The following WNT5B variants were observed in gnomAD, a reference collection of about 807,000 sequenced individuals.
WNT5B encodes the protein Wnt family member 5B.
In WNT5B, 18 loss-of-function variants were observed where a neutral mutation model predicts 36.5. The observed-to-expected ratio is 0.49, with a 90% CI of 0.34 to 0.73. The LOEUF is 0.73. Among genes scored for constraint, WNT5B ranks in the 30% least tolerant of loss-of-function variants. WNT5B has a pLI of 0.01. For synonymous variants in WNT5B, 213 were observed against 212.3 expected, an observed-to-expected ratio of 1.00 and a Z score of -0.03; for missense variants, 424 against 508.4, an observed-to-expected ratio of 0.83 and a Z score of 1.60.
intron 1 of WNT5B, among the ~76,000 whole-genome samples, chr12:1,617,630 C>CA (rs1019266284): frequency 2.0e-4 from 30 of 150,052 alleles, no homozygotes; most frequent in African/African-American, 3.7e-4. Flanking sequence ...GACCCTATCT[C>CA]AAAAAAAAGA....
At chr12:1,623,431 G>A (rs930624458) in intron 1 of WNT5B, among the ~76,000 whole-genome samples, 3 of 151,734 alleles carry the variant, frequency 2.0e-5, no homozygotes, top group East Asian at 1.9e-4. Flanking sequence ...TCCTGACCTC[G>A]TGATCCGCCC....
intron 3 of WNT5B, among the ~76,000 whole-genome samples, chr12:1,639,322 T>A (rs531728102): frequency 3.3e-5 from 5 of 152,086 alleles, no homozygotes; most frequent in Admixed American, 6.5e-5. Flanking sequence ...TATTTTTAGT[T>A]GAGACGAAGG....
Position 1,630,154 on chromosome 12 carries a change from C to G in WNT5B, c.-58+783C>G, listed in dbSNP as rs1379474188. 1 of 985,394 alleles carries G rather than the reference C, an allele frequency of 1.0e-6. No individual in the cohort carries two copies. Among genetic ancestry groups the G allele is most frequent in the Non-Finnish European group, 1.2e-6 (1 of 830,012 alleles). 61.0% of individuals were successfully genotyped at this position (985,394 alleles called of 1,614,324 possible). A position where few individuals can be genotyped will look rare whatever the true frequency, so the allele number is the denominator to read the frequency against. The stretch of plus-strand genomic sequence containing the variant: ...TGACCCGAAGCACCCGCCGCCCCCT[C>G]CCGGGGAGCCTGGGGACGCCGACGC... On this transcript the variant is annotated intron_variant, in intron 1 of 4. Transcript: ENST00000397196. This position sits in a 1 kb window ranked among gnomAD's most constrained non-coding sequence, Gnocchi z 5.3.
intron 1 of WNT5B, among the ~76,000 whole-genome samples, chr12:1,621,331 T>A (rs1366114529): frequency 6.6e-6 from 1 of 152,090 alleles, no homozygotes; most frequent in Non-Finnish European, 1.5e-5. Context: ...AGGTGTGTAA[T>A]CAATCAGCAT....
chr12:1,639,672 C>G lies in WNT5B; in HGVS notation c.329-12C>G, dbSNP rs748709041. On this transcript the variant is annotated splice_polypyrimidine_tract_variant and intron_variant, in intron 3 of 4. Coordinates refer to ENST00000397196, the MANE Select transcript of WNT5B (RefSeq NM_032642.3). ...GAGCGCACCCGCTTACCGCCCTGGC[C>G]TCATTCTGCAGGCAGCCGAGAGACC... is the stretch of plus-strand genomic sequence containing the variant. 1.2e-5 allele frequency: 19 copies of G among 1,531,168 alleles called. No homozygotes were observed. Among genetic ancestry groups the G allele is most frequent in the Non-Finnish European group, 1.7e-5 (19 of 1,148,940 alleles). 94.8% of individuals were successfully genotyped at this position (1,531,168 alleles called of 1,614,324 possible). A position where few individuals can be genotyped will look rare whatever the true frequency, so the allele number is the denominator to read the frequency against.
chr12:1,625,891 G>A (rs1317796325), upstream of WNT5B, among the ~76,000 whole-genome samples: 2 of 151,778 alleles, frequency 1.3e-5, no homozygotes, highest in African/African-American at 4.8e-5. Flanking sequence ...TCAAACTCCT[G>A]ACCTCAAGTG....
chr12:1,622,639 C>T (rs1015098922), intron 1 of WNT5B, among the ~76,000 whole-genome samples: 2 of 152,228 alleles, frequency 1.3e-5, no homozygotes, highest in African/African-American at 4.8e-5. Flanking sequence ...CCTGCTTCCT[C>T]TTTCCCTGAG....
chr12:1,631,809 A>T (rs1004273117), intron 2 of WNT5B, among the ~76,000 whole-genome samples: 1 of 152,028 alleles, frequency 6.6e-6, no homozygotes, highest in African/African-American at 2.4e-5. Flanking sequence ...TTCCTCTTTT[A>T]TAAGTCTGAA....
At chr12:1,620,704 AATT>A (rs371695179) in intron 1 of WNT5B, among the ~76,000 whole-genome samples, 13,944 of 120,146 alleles carry the variant, frequency 0.12, 848 homozygotes, top group African/African-American at 0.21. Context: ...ACACCCAGCA[AATT>A]TTTTTTTTTT....
chr12:1,631,216 A>G, intron 1 of WNT5B, 82 bp from the exon 2 acceptor site: 1 of 1,354,626 alleles, frequency 7.4e-7, no homozygotes, highest in Non-Finnish European at 1.0e-6. Flanking sequence ...CATCAGTGCA[A>G]CTTTCTCCGC....
chr12:1,639,619 G>A lies in WNT5B; in HGVS notation c.329-65G>A, dbSNP rs966064680. 3.5e-6 allele frequency: 5 copies of A among 1,427,336 alleles called. No homozygotes were observed. In the African/African-American group the frequency reaches 6.0e-5, roughly 17 times the overall value. 88.4% of individuals were successfully genotyped at this position (1,427,336 alleles called of 1,614,324 possible). ...GCGTGCGGGTCCGTCGGGGGAGACGGGGGGAAGGACAGGTCCCCGGGAGAG... is the reference window on the plus strand; with the variant it reads ...GCGTGCGGGTCCGTCGGGGGAGACGAGGGGAAGGACAGGTCCCCGGGAGAG... On this transcript the variant is annotated intron_variant, in intron 3 of 4. Coordinates refer to ENST00000397196, the MANE Select transcript of WNT5B (RefSeq NM_032642.3).
At chr12:1,623,287 C>A (rs529701408) in intron 1 of WNT5B, among the ~76,000 whole-genome samples, 2 of 141,404 alleles carry the variant, frequency 1.4e-5, no homozygotes, top group Admixed American at 1.4e-4. Flanking sequence ...GCTCCGTCTC[C>A]CAGGTTCACA....
At chr12:1,634,228 TTTA>T (rs1375505282) in intron 3 of WNT5B, among the ~76,000 whole-genome samples, 1 of 152,152 alleles carries the variant, frequency 6.6e-6, no homozygotes, top group Non-Finnish European at 1.5e-5. Context: ...TTACTCATAG[TTTA>T]TTGATTCTTC....
chr12:1,640,761 GCCT>G (rs2094573541), intron 4 of WNT5B, among the ~76,000 whole-genome samples: 1 of 152,232 alleles, frequency 6.6e-6, no homozygotes, highest in African/African-American at 2.4e-5. Context: ...CACACATCCA[GCCT>G]CCTCTTTTCT....
At chr12:1,617,101 C>G (rs1288812486) in exon 1 of WNT5B, 1 of 152,176 alleles carries the variant, frequency 6.6e-6, no homozygotes, top group African/African-American at 2.4e-5. Flanking sequence ...AGAAGGTTGA[C>G]AGCTTCAGTA....
Position 1,630,225 on chromosome 12 carries a change from A to G in WNT5B, c.-58+854A>G. The G allele has an allele frequency of 2.0e-6, 2 of 985,278 alleles. No individual in the cohort carries two copies. The highest frequency in any genetic ancestry group is 2.4e-6 in the Non-Finnish European group (2 of 829,882). 61.0% of individuals were successfully genotyped at this position (985,278 alleles called of 1,614,324 possible). On this transcript the variant is annotated intron_variant, in intron 1 of 4. Transcript: ENST00000397196. The surrounding 1 kb of genome is among the most constrained non-coding windows in gnomAD (Gnocchi z 5.3). ...CGGGGCGCGCGGGGCTGCGCTCGTC[A>G]GGTCCGGGGCCCCGGGGAGGCCGCT... is the stretch of plus-strand genomic sequence containing the variant.
At chr12:1,629,700 T>C (rs1019056215) in intron 1 of WNT5B, among the ~76,000 whole-genome samples, 1 of 151,918 alleles carries the variant, frequency 6.6e-6, no homozygotes, top group African/African-American at 2.4e-5. Context: ...CTCCCCTCCA[T>C]AAAACCATTA....
intron 4 of WNT5B, among the ~76,000 whole-genome samples, chr12:1,640,829 G>A (rs564300821): frequency 7.9e-5 from 12 of 152,322 alleles, no homozygotes; most frequent in South Asian, 6.2e-4. Flanking sequence ...GGCCTGCCCC[G>A]CAGGAATCTC....
At chr12:1,631,567 G>C in intron 2 of WNT5B, 133 bp downstream of exon 2, 1 of 1,392,932 alleles carries the variant, frequency 7.2e-7, no homozygotes, top group South Asian at 1.3e-5. Context: ...TTTTATCCCA[G>C]GAAAACTAAG....
Sources: allele counts gnomAD v4.1 joint callset (sites outside exome capture counted in the v4.1 genomes callset), GRCh38; gene constraint gnomAD v4.1.1; non-coding constraint Gnocchi (gnomAD v3.1); transcripts MANE v1.5; gene names NCBI Gene and HGNC (gene_info 2026-07-23, HGNC 2026-07-21).